Variants in IL3RA observed in about 807,000 individuals in gnomAD.
IL3RA encodes the protein interleukin 3 receptor subunit alpha, also known as interleukin-3 receptor subunit alpha.
IL3RA carries 73 observed loss-of-function variants against 52.3 expected under a neutral mutation model. The ratio of observed to expected loss-of-function variants is 1.40; its 90% confidence interval spans 1.16 to 1.70. The LOEUF is 1.70. IL3RA is among the 40% of genes most tolerant of loss of function. IL3RA has a pLI of 0.00. For synonymous variants in IL3RA, 260 were observed against 194.0 expected (o/e 1.34, Z -2.83); for missense variants, 664 against 504.4 (o/e 1.32, Z -3.03).
At chrX:1,358,464 C>T (rs1313599905) in intron 7 of IL3RA, among the ~76,000 whole-genome samples, 1 of 152,096 alleles carries the variant, frequency 6.6e-6, no homozygotes, top group Non-Finnish European at 1.5e-5. Flanking sequence ...TCAAGACCAT[C>T]CTGGCCAACA....
intron 4 of IL3RA, among the ~76,000 whole-genome samples, chrX:1,350,089 A>T (rs2086015688): frequency 6.6e-6 from 1 of 152,204 alleles, no homozygotes; most frequent in African/African-American, 2.4e-5. Context: ...TTACAAATAG[A>T]AAACAGTCTC....
intron 8 of IL3RA, among the ~76,000 whole-genome samples, chrX:1,361,263 C>G (rs1362943172): frequency 3.4e-5 from 5 of 147,890 alleles, no homozygotes; most frequent in South Asian, 2.1e-4. Flanking sequence ...CTCTTTCTTT[C>G]TCTGCCTCTG....
chrX:1,347,866 G>A (rs1342155390), intron 3 of IL3RA, among the ~76,000 whole-genome samples: 26 of 150,224 alleles, frequency 1.7e-4, no homozygotes, highest in South Asian at 4.2e-4. Context: ...GTGAAACCCC[G>A]TCTCTACTAA....
intron 10 of IL3RA, 147 bp downstream of exon 10, chrX:1,378,911 G>A: frequency 1.3e-6 from 1 of 759,876 alleles, no homozygotes; most frequent in Non-Finnish European, 2.2e-6. Context: ...GGCACGATCT[G>A]GGCTCACTGC....
At chrX:1,345,038 G>C (rs28408723) in intron 2 of IL3RA, among the ~76,000 whole-genome samples, 1 of 150,480 alleles carries the variant, frequency 6.6e-6, no homozygotes, top group African/African-American at 2.4e-5. Flanking sequence ...GCGTGGTGGC[G>C]GGCGCCTGTA....
chrX:1,361,343 A>G (rs35651546), intron 8 of IL3RA, among the ~76,000 whole-genome samples: 9,722 of 151,080 alleles, frequency 0.064, 582 homozygotes, highest in African/African-American at 0.15. Flanking sequence ...TGGGTAATTT[A>G]TAAACAAAAG....
intron 7 of IL3RA, among the ~76,000 whole-genome samples, chrX:1,356,721 G>A (rs1441645124): frequency 2.6e-5 from 4 of 150,980 alleles, no homozygotes; most frequent in Admixed American, 1.3e-4. Flanking sequence ...GCAGTGAGCC[G>A]AGATCGCGCC....
chrX:1,348,053 GA>G (rs1419265401), intron 3 of IL3RA, among the ~76,000 whole-genome samples: 3 of 115,842 alleles, frequency 2.6e-5, no homozygotes, highest in Non-Finnish European at 3.6e-5. Flanking sequence ...AAAAAAAACA[GA>G]AAAAAGTCTT....
intron 6 of IL3RA, among the ~76,000 whole-genome samples, chrX:1,353,353 G>C (rs1175380557): frequency 2.2e-5 from 3 of 138,348 alleles, no homozygotes; most frequent in Non-Finnish European, 3.0e-5. Context: ...CCCATCATGA[G>C]TCATGGGATC....
At chrX:1,368,413 T>C (rs1381664304) in intron 9 of IL3RA, among the ~76,000 whole-genome samples, 4 of 151,468 alleles carry the variant, frequency 2.6e-5, no homozygotes, top group Non-Finnish European at 5.9e-5. Context: ...GGAAAAACCC[T>C]GTCTCTACTA....
chrX:1,346,295 T>A (rs17883233), intron 3 of IL3RA, among the ~76,000 whole-genome samples: 1 of 151,656 alleles, frequency 6.6e-6, no homozygotes, highest in African/African-American at 2.4e-5. Flanking sequence ...AAAAATTAGC[T>A]GGGCATGGTG....
intron 1 of IL3RA, among the ~76,000 whole-genome samples, chrX:1,339,771 A>C (rs1287382892): frequency 6.6e-6 from 1 of 152,024 alleles, no homozygotes; most frequent in East Asian, 1.9e-4. Flanking sequence ...CGGCCTGGAC[A>C]ACAAGAGTGA....
At chrX:1,340,579 C>T (rs2085451323) in intron 1 of IL3RA, among the ~76,000 whole-genome samples, 1 of 151,928 alleles carries the variant, frequency 6.6e-6, no homozygotes, top group Admixed American at 6.6e-5. Context: ...CAGACTCATG[C>T]ATGTATATTT....
chrX:1,352,317 C>T lies in IL3RA; in HGVS notation c.432-5C>T. On this transcript the variant is annotated splice_polypyrimidine_tract_variant and splice_region_variant and intron_variant, in intron 5 of 11. Coordinates refer to ENST00000331035, the MANE Select transcript of IL3RA (RefSeq NM_002183.4). ...GTCGTCCCCCAACCTTACCGCTTAC[C>T]GCAGCAGGCGTCAACAGTACGAGTG... 6 of 1,613,746 alleles carry T rather than the reference C, an allele frequency of 3.7e-6. No individual in the cohort carries two copies. The highest frequency in any genetic ancestry group is 1.7e-5 in the Admixed American group (1 of 59,996).
At chrX:1,341,475 G>A (rs1175861925) in intron 1 of IL3RA, among the ~76,000 whole-genome samples, 4 of 152,124 alleles carry the variant, frequency 2.6e-5, no homozygotes, top group Non-Finnish European at 5.9e-5. Context: ...GCTACATAGA[G>A]GCATGCACAC....
intron 9 of IL3RA, among the ~76,000 whole-genome samples, chrX:1,376,952 C>T (rs1262467365): frequency 7.3e-6 from 1 of 137,330 alleles, no homozygotes; most frequent in Non-Finnish European, 1.5e-5. Context: ...CTCAGACCTC[C>T]AGCCTCCAGG....
At chrX:1,362,537 CCTCT>C (rs368213677) in intron 8 of IL3RA, among the ~76,000 whole-genome samples, 358 of 145,686 alleles carry the variant, frequency 2.5e-3, no homozygotes, top group South Asian at 0.012. Context: ...TTTCTCTCTC[CCTCT>C]CTCTGTCTCC....
rs1185571297 is a variant in IL3RA, at chrX:1,352,173, G to T, written c.372G>T (p.Trp124Cys). Residue 124 changes from tryptophan to cysteine, a missense_variant, in exon 5 of 12, where the codon TGG (tryptophan) becomes TGT (cysteine). Trp to Cys is a radical substitution (Grantham distance 215, BLOSUM62 -2). Coordinates refer to ENST00000331035, the MANE Select transcript of IL3RA (RefSeq NM_002183.4). ...IHDVDFLSCS[W>C]AVGPGAPADV... Reference sequence around the variant, plus strand: ...ACGTGGATTTCTTGAGCTGCAGCTGGGCGGTAGGCCCGGGGGCCCCCGCGG... The same window carrying T: ...ACGTGGATTTCTTGAGCTGCAGCTGTGCGGTAGGCCCGGGGGCCCCCGCGG... The T allele has an allele frequency of 6.2e-7, 1 of 1,613,792 alleles. No individual in the cohort carries two copies.
Position 1,382,533 on chromosome X carries a change from T to A in IL3RA, c.*68T>A. 1 of 1,443,430 alleles carries A rather than the reference T, an allele frequency of 6.9e-7. No homozygotes were observed. Among genetic ancestry groups the A allele is most frequent in the Non-Finnish European group, 9.8e-7 (1 of 1,024,786 alleles). The allele number at this position is 1,443,430 out of a possible 1,614,324, so 89.4% of individuals were successfully genotyped here. ...GGCCGGGCCAGGCGCCTGCACAGAC[T>A]GGCTGCTGGACCTGCGCACGCAGCC... On this transcript the variant is annotated 3_prime_UTR_variant, in exon 12 of 12. Transcript: ENST00000331035.
Sources: gnomAD v4.1 joint callset for allele counts (sites outside exome capture counted in the v4.1 genomes callset) on GRCh38, gnomAD v4.1.1 for gene constraint, MANE v1.5 for transcripts, NCBI Gene and HGNC (gene_info 2026-07-23, HGNC 2026-07-21) for gene names.